NLGN1: variants seen among roughly 807,000 people sequenced by gnomAD.
NLGN1 encodes the protein neuroligin 1.
NLGN1 carries 12 observed loss-of-function variants against 65.5 expected under a neutral mutation model. The observed-to-expected ratio is 0.18, with a 90% CI of 0.12 to 0.30. The LOEUF is 0.30. NLGN1 is among the 10% of genes least tolerant of loss of function. The probability of loss-of-function intolerance (pLI) is 1.00; values close to 1 mark genes in which losing one functional copy is unlikely to be tolerated. For missense variants in NLGN1, 750 were observed against 1,007.1 expected, an observed-to-expected ratio of 0.74 and a Z score of 3.46; for synonymous variants, 350 against 359.5, an observed-to-expected ratio of 0.97 and a Z score of 0.30.
chr3:173,895,918 G>A (rs950566455), intron 4 of NLGN1, among the ~76,000 whole-genome samples: 4 of 152,082 alleles, frequency 2.6e-5, no homozygotes, highest in African/African-American at 9.7e-5. Flanking sequence ...TCGAACTCCT[G>A]ACCTCAGGTG....
At chr3:173,710,040 T>C (rs1768709457) in intron 3 of NLGN1, among the ~76,000 whole-genome samples, 1 of 152,188 alleles carries the variant, frequency 6.6e-6, no homozygotes, top group South Asian at 2.1e-4. Flanking sequence ...TTAGTTGTAC[T>C]TTCATATATG....
Position 173,564,455 on chromosome 3 carries a change from C to T in NLGN1, c.-320-39824C>T, listed in dbSNP as rs78577233. On this transcript the variant is annotated intron_variant, in intron 2 of 6. Coordinates refer to ENST00000457714, the Ensembl canonical transcript of NLGN1. ...TGAGTCCTCAGTAATATTTCCAGTT[C>T]TCTTCATGGATTACACTGCCATGTG... 3.7e-3 allele frequency among the ~76,000 whole-genome samples: 561 copies of T among 152,344 alleles called. 13 individuals carry two copies. The highest frequency in any genetic ancestry group is 0.016 in the East Asian group (84 of 5,186).
intron 3 of NLGN1, among the ~76,000 whole-genome samples, chr3:173,737,378 C>T (rs1216688285): frequency 1.3e-5 from 2 of 151,994 alleles, no homozygotes; most frequent in Non-Finnish European, 1.5e-5. Context: ...CCACAATTTT[C>T]ATTACTCCTA....
chr3:174,076,671 T>C (rs1259033836), intron 4 of NLGN1, among the ~76,000 whole-genome samples: 1 of 144,846 alleles, frequency 6.9e-6, no homozygotes, highest in African/African-American at 2.6e-5. Flanking sequence ...CTTTCTCCTC[T>C]GGGACCATAG....
intron 3 of NLGN1, among the ~76,000 whole-genome samples, chr3:173,738,738 A>T (rs542666354): frequency 6.6e-6 from 1 of 152,164 alleles, no homozygotes; most frequent in African/African-American, 2.4e-5. Flanking sequence ...TTGAATGTCC[A>T]TATGAATTTT....
At chr3:173,578,727 A>G (rs574225975) in intron 2 of NLGN1, among the ~76,000 whole-genome samples, 8 of 152,328 alleles carry the variant, frequency 5.3e-5, no homozygotes, top group African/African-American at 1.9e-4. Flanking sequence ...CTACATTGCA[A>G]TGTCAAAATC....
intron 2 of NLGN1, among the ~76,000 whole-genome samples, chr3:173,576,116 A>G (rs1163219384): frequency 6.6e-6 from 1 of 152,138 alleles, no homozygotes; most frequent in Non-Finnish European, 1.5e-5. Flanking sequence ...AGTCTTTCAT[A>G]TTGATTATAT....
intron 1 of NLGN1, among the ~76,000 whole-genome samples, chr3:173,410,643 T>G (rs1245639609): frequency 6.6e-6 from 1 of 152,214 alleles, no homozygotes; most frequent in Non-Finnish European, 1.5e-5. Flanking sequence ...AACATTTGAG[T>G]CATAGGCTTG....
intron 4 of NLGN1, among the ~76,000 whole-genome samples, chr3:174,066,558 C>CTGTGTGTGTGTGTG (rs1327610699): frequency 3.0e-5 from 4 of 134,170 alleles, no homozygotes; most frequent in African/African-American, 9.3e-5. Flanking sequence ...CTCTCTCTCT[C>CTGTGTGTGTGTGTG]TCTCTCTGTG....
intron 1 of NLGN1, among the ~76,000 whole-genome samples, chr3:173,426,495 G>A (rs939806669): frequency 2.0e-5 from 3 of 151,770 alleles, no homozygotes; most frequent in Non-Finnish European, 2.9e-5. Flanking sequence ...TAATGTTTTG[G>A]GGTATGTTTT....
chr3:174,219,344 G>C (rs1738216498), intron 4 of NLGN1, among the ~76,000 whole-genome samples: 1 of 152,042 alleles, frequency 6.6e-6, no homozygotes, highest in African/African-American at 2.4e-5. Flanking sequence ...CCAGTCCTCA[G>C]TATCTTAATC....
chr3:173,775,915 A>G (rs183094981), intron 3 of NLGN1, among the ~76,000 whole-genome samples: 2 of 152,208 alleles, frequency 1.3e-5, no homozygotes, highest in Non-Finnish European at 2.9e-5. Flanking sequence ...AAAAGGGACA[A>G]TCATTATAGA....
At chr3:174,085,746 TA>T (rs1371572447) in intron 4 of NLGN1, among the ~76,000 whole-genome samples, 1 of 152,090 alleles carries the variant, frequency 6.6e-6, no homozygotes, top group East Asian at 1.9e-4. Flanking sequence ...GTCACTAAAC[TA>T]TTGAAAAGTA....
At chr3:174,234,483 GA>G (rs1561352160) in intron 4 of NLGN1, among the ~76,000 whole-genome samples, 1 of 152,140 alleles carries the variant, frequency 6.6e-6, no homozygotes, top group Non-Finnish European at 1.5e-5. Flanking sequence ...GATGTTCCAA[GA>G]AGGTCATGTA....
intron 2 of NLGN1, among the ~76,000 whole-genome samples, chr3:173,522,930 C>G (rs2149143445): frequency 6.6e-6 from 1 of 151,906 alleles, no homozygotes; most frequent in South Asian, 2.1e-4. Flanking sequence ...ATGCCAACAT[C>G]TTTGTTGTTT....
At chr3:173,963,141 A>G (rs192324048) in intron 4 of NLGN1, among the ~76,000 whole-genome samples, 342 of 152,254 alleles carry the variant, frequency 2.2e-3, no homozygotes, top group African/African-American at 7.7e-3. Context: ...TGCTACAACT[A>G]TAAGAAGGAA....
At chr3:174,246,529 C>T (rs752487396) in intron 4 of NLGN1, among the ~76,000 whole-genome samples, 13 of 152,110 alleles carry the variant, frequency 8.5e-5, no homozygotes, top group Non-Finnish European at 1.2e-4. Flanking sequence ...AGTGATCCTC[C>T]GGCTTCAGCC....
At chr3:174,267,301 A>G (rs1253005448) in intron 4 of NLGN1, among the ~76,000 whole-genome samples, 2 of 152,180 alleles carry the variant, frequency 1.3e-5, no homozygotes, top group Non-Finnish European at 2.9e-5. Flanking sequence ...AAGAGGAACC[A>G]TTGTGTCATA....
chr3:174,137,676 C>T (rs1340026199), intron 4 of NLGN1, among the ~76,000 whole-genome samples: 1 of 152,036 alleles, frequency 6.6e-6, no homozygotes, highest in East Asian at 1.9e-4. Flanking sequence ...TGTAAATATG[C>T]ATAATGAATC....
Sources: allele counts gnomAD v4.1 joint callset (sites outside exome capture counted in the v4.1 genomes callset), GRCh38; gene constraint gnomAD v4.1.1; transcripts MANE v1.5; gene names NCBI Gene and HGNC (gene_info 2026-07-23, HGNC 2026-07-21).